CCDC68: variants seen among roughly 807,000 people sequenced by gnomAD.
The protein encoded by CCDC68 is coiled-coil domain containing 68, also known as coiled-coil domain-containing protein 68.
CCDC68 carries 45 observed loss-of-function variants against 47.1 expected under a neutral mutation model. That is an observed-to-expected ratio of 0.96 (90% CI 0.75 to 1.23). The LOEUF (loss-of-function observed/expected upper bound fraction) is 1.23, where lower values mean the gene tolerates loss of function less well. Among genes scored for constraint, CCDC68 ranks in the 50% most tolerant of loss-of-function variants. The probability of loss-of-function intolerance (pLI) is 0.00; values close to 1 mark genes in which losing one functional copy is unlikely to be tolerated. For synonymous variants in CCDC68, 131 were observed against 129.5 expected (o/e 1.01, Z -0.08); for missense variants, 353 against 373.6 (o/e 0.94, Z 0.45).
intron 10 of CCDC68, among the ~76,000 whole-genome samples, chr18:54,915,664 C>T (rs1429502202): frequency 1.3e-5 from 2 of 152,138 alleles, no homozygotes; most frequent in Non-Finnish European, 2.9e-5. Context: ...CATGGTGGCT[C>T]ATGTCTGTAA....
chr18:54,907,276 C>T (rs563090476), intron 11 of CCDC68, among the ~76,000 whole-genome samples: 42 of 152,292 alleles, frequency 2.8e-4, no homozygotes, highest in Admixed American at 5.2e-4. Context: ...TCATCATCAT[C>T]GCTTGAAATC....
intron 8 of CCDC68, 41 bp from the exon 9 acceptor site, chr18:54,919,417 G>A: frequency 6.9e-7 from 1 of 1,440,302 alleles, no homozygotes; most frequent in Non-Finnish European, 9.8e-7. Context: ...AAAATGATTG[G>A]CTCACACGTT....
intron 10 of CCDC68, among the ~76,000 whole-genome samples, chr18:54,908,677 G>A (rs576880834): frequency 2.0e-5 from 3 of 152,252 alleles, no homozygotes; most frequent in East Asian, 3.9e-4. Flanking sequence ...CTAGTGCCTG[G>A]CACAGATTTT....
intron 1 of CCDC68, among the ~76,000 whole-genome samples, chr18:54,951,155 G>T (rs1009508199): frequency 2.8e-4 from 42 of 151,352 alleles, no homozygotes; most frequent in Non-Finnish European, 5.2e-4. Flanking sequence ...TGATCCGCCC[G>T]CCTCGGCCTC....
intron 1 of CCDC68, among the ~76,000 whole-genome samples, chr18:54,950,365 A>G (rs371523537): frequency 1.0e-3 from 158 of 152,356 alleles, no homozygotes; most frequent in African/African-American, 3.7e-3. Flanking sequence ...CATGTCCTGA[A>G]TACTAAATAG....
At chr18:54,911,967 G>C (rs77962987) in intron 10 of CCDC68, among the ~76,000 whole-genome samples, 1 of 152,298 alleles carries the variant, frequency 6.6e-6, no homozygotes, top group African/African-American at 2.4e-5. Context: ...AACTAGGACA[G>C]TATATGCATG....
At chr18:54,943,503 G>C (rs1283424116) in intron 2 of CCDC68, among the ~76,000 whole-genome samples, 2 of 151,944 alleles carry the variant, frequency 1.3e-5, no homozygotes, top group Non-Finnish European at 2.9e-5. Flanking sequence ...GACAGAAAAA[G>C]TAATCATCCA....
intron 2 of CCDC68, among the ~76,000 whole-genome samples, chr18:54,943,211 A>G (rs1489735524): frequency 1.3e-5 from 2 of 152,172 alleles, no homozygotes; most frequent in African/African-American, 4.8e-5. Context: ...GTATCTTCAT[A>G]CATAGTCTGC....
intron 7 of CCDC68, among the ~76,000 whole-genome samples, chr18:54,929,916 A>G (rs1235653533): frequency 6.6e-6 from 1 of 152,224 alleles, no homozygotes; most frequent in Non-Finnish European, 1.5e-5. Flanking sequence ...TGCAGTTTTA[A>G]TATCATATTG....
At chr18:54,947,387 C>G (rs970488761) in intron 1 of CCDC68, among the ~76,000 whole-genome samples, 1 of 152,148 alleles carries the variant, frequency 6.6e-6, no homozygotes, top group African/African-American at 2.4e-5. Context: ...CCCAGCTCTG[C>G]TTTATTCTGT....
chr18:54,955,369 C>T (rs1273533230), intron 1 of CCDC68, among the ~76,000 whole-genome samples: 1 of 152,098 alleles, frequency 6.6e-6, no homozygotes, highest in Non-Finnish European at 1.5e-5. Flanking sequence ...TATTTTGATG[C>T]TCTTTTTTTT....
At chr18:54,920,178 A>G (rs1328236521) in intron 8 of CCDC68, among the ~76,000 whole-genome samples, 1 of 152,012 alleles carries the variant, frequency 6.6e-6, no homozygotes, top group Non-Finnish European at 1.5e-5. Flanking sequence ...GACCTCGGAG[A>G]AGTCACTTGG....
chr18:54,914,299 C>A (rs565490520), intron 10 of CCDC68, among the ~76,000 whole-genome samples: 1 of 152,226 alleles, frequency 6.6e-6, no homozygotes, highest in South Asian at 2.1e-4. Context: ...TTATTTGAAG[C>A]CTTTTTTTAT....
intron 10 of CCDC68, among the ~76,000 whole-genome samples, chr18:54,908,871 G>A (rs1395893208): frequency 2.0e-5 from 3 of 151,868 alleles, no homozygotes; most frequent in African/African-American, 7.3e-5. Context: ...CACTATGCCT[G>A]GCTAATTTTT....
At chr18:54,910,253 T>A (rs1219786442) in intron 10 of CCDC68, among the ~76,000 whole-genome samples, 1 of 152,134 alleles carries the variant, frequency 6.6e-6, no homozygotes, top group Non-Finnish European at 1.5e-5. Flanking sequence ...GGCTGCCCCA[T>A]CGTCTGTGCA....
At position 54,934,842 on chromosome 18, in the gene CCDC68, T is replaced by G. The variant is rs2044316894; in HGVS notation, c.578A>C (p.Asn193Thr). 6.3e-7 allele frequency: 1 copy of G among 1,592,152 alleles called. No individual in the cohort carries two copies. The change falls in exon 7 of 12, where the codon AAC (asparagine) becomes ACC (threonine). Residue 193 changes from asparagine to threonine, a missense_variant. By Grantham distance (65) the Asn-to-Thr change is moderately conservative. Transcript: ENST00000591504. Reference sequence around the variant, plus strand: ...TACCTTTTCCATTCTCTGTACAAGGTTCTCCAATTCTGTAATTTGACTGTG... The same window carrying G: ...TACCTTTTCCATTCTCTGTACAAGGGTCTCCAATTCTGTAATTTGACTGTG... ...EKHSQITELENLVQRMEKEKR... is the reference protein window; with the variant it reads ...EKHSQITELETLVQRMEKEKR...
intron 2 of CCDC68, 95 bp from the exon 3 acceptor site, chr18:54,942,898 G>A: frequency 1.4e-6 from 1 of 714,050 alleles, no homozygotes; most frequent in Non-Finnish European, 2.5e-6. Context: ...TATCACTATA[G>A]TCAAATATAG....
chr18:54,956,682 C>A (rs891360313), intron 1 of CCDC68, among the ~76,000 whole-genome samples: 1 of 152,104 alleles, frequency 6.6e-6, no homozygotes, highest in African/African-American at 2.4e-5. Flanking sequence ...TGTACGATTC[C>A]ATCTGTATGA....
rs1224925467 is a variant in CCDC68, at chr18:54,903,675, A to G, written c.*683T>C. 6.6e-6 allele frequency: 1 copy of G among 152,180 alleles called. No individual in the cohort carries two copies. The highest frequency in any genetic ancestry group is 1.5e-5 in the Non-Finnish European group (1 of 68,026). The allele number at this position is 152,180 out of a possible 1,614,324, so 9.4% of individuals were successfully genotyped here. On this transcript the variant is annotated 3_prime_UTR_variant, in exon 12 of 12. Coordinates refer to ENST00000591504, the MANE Select transcript of CCDC68 (RefSeq NM_025214.3). Reference sequence around the variant, plus strand: ...GTGTACAGGTTACCTCTAGAAACCAATTTTTAATCCCAGAACTAAGAAGAA... The same window carrying G: ...GTGTACAGGTTACCTCTAGAAACCAGTTTTTAATCCCAGAACTAAGAAGAA...
Sources: allele counts gnomAD v4.1 joint callset (sites outside exome capture counted in the v4.1 genomes callset), GRCh38; gene constraint gnomAD v4.1.1; transcripts MANE v1.5; gene names NCBI Gene and HGNC (gene_info 2026-07-23, HGNC 2026-07-21).